SLC11A2: variants seen among roughly 807,000 people sequenced by gnomAD.
The protein encoded by SLC11A2 is solute carrier family 11 member 2, also known as natural resistance-associated macrophage protein 2.
Under a neutral mutation model 68.0 loss-of-function variants are expected in SLC11A2, and 38 were observed. That is an observed-to-expected ratio of 0.56 (90% CI 0.43 to 0.73). The LOEUF is 0.73. SLC11A2 is among the 30% of genes least tolerant of loss of function. SLC11A2 has a pLI of 0.00. For synonymous variants in SLC11A2, 242 were observed against 250.6 expected (o/e 0.97, Z 0.32); for missense variants, 517 against 690.5 (o/e 0.75, Z 2.82).
chr12:50,963,463 C>A, the SLC11A2 span, among the ~76,000 whole-genome samples: 1 of 150,918 alleles, frequency 6.6e-6, no homozygotes, highest in Non-Finnish European at 1.5e-5. Context: ...GAACAATACA[C>A]AGGACAGACT....
chr12:51,012,186 C>G (rs1455110635), intron 1 of SLC11A2, among the ~76,000 whole-genome samples: 1 of 152,142 alleles, frequency 6.6e-6, no homozygotes, highest in Non-Finnish European at 1.5e-5. Flanking sequence ...TCTACAGGTC[C>G]TGTACTAAGC....
At chr12:51,025,206 ACT>A (rs1227991784) in intron 1 of SLC11A2, among the ~76,000 whole-genome samples, 1 of 152,148 alleles carries the variant, frequency 6.6e-6, no homozygotes, top group Non-Finnish European at 1.5e-5. Context: ...AAGTCATGAG[ACT>A]CTGAGCAAAG....
chr12:51,008,268 A>G (rs1486098635), intron 3 of SLC11A2: 7 of 494,174 alleles, frequency 1.4e-5, no homozygotes, highest in African/African-American at 9.9e-5. Context: ...ATAGACGGAC[A>G]GACAGACAGA....
chr12:51,005,749 T>C, intron 3 of SLC11A2: 1 of 1,247,582 alleles, frequency 8.0e-7, no homozygotes, highest in Non-Finnish European at 1.1e-6. Flanking sequence ...GCCACCATTT[T>C]AAAAAGGAAA....
intron 8 of SLC11A2, among the ~76,000 whole-genome samples, chr12:50,997,407 T>C (rs1334891611): frequency 6.6e-6 from 1 of 152,130 alleles, no homozygotes; most frequent in Non-Finnish European, 1.5e-5. Flanking sequence ...ACATAATTAA[T>C]TTCTAAAGAA....
At chr12:50,997,679 C>CAA (rs35477132) in intron 8 of SLC11A2, among the ~76,000 whole-genome samples, 38,631 of 44,968 alleles carry the variant, frequency 0.86, 18,566 homozygotes, top group Middle Eastern at 1. Flanking sequence ...GACTCTGTCT[C>CAA]AAAAAAAAAA....
chr12:51,008,289 T>G, intron 3 of SLC11A2, 187 bp downstream of exon 3: 1 of 547,362 alleles, frequency 1.8e-6, no homozygotes. Flanking sequence ...CAGAGATAGA[T>G]AGATATAGAT....
chr12:50,972,119 C>T, the SLC11A2 span, among the ~76,000 whole-genome samples: 1 of 152,138 alleles, frequency 6.6e-6, no homozygotes, highest in Non-Finnish European at 1.5e-5. Flanking sequence ...AAACTGAGGA[C>T]AGCTGGCATG....
At chr12:51,027,293 C>T (rs1239147834), upstream of SLC11A2, among the ~76,000 whole-genome samples, 2 of 152,018 alleles carry the variant, frequency 1.3e-5, no homozygotes, top group East Asian at 1.9e-4. Context: ...GAGACAAGAT[C>T]GTGCCACTGC....
chr12:50,971,918 T>C, the SLC11A2 span, among the ~76,000 whole-genome samples: 2 of 152,230 alleles, frequency 1.3e-5, no homozygotes, highest in African/African-American at 2.4e-5. Context: ...TTTTTCCCCA[T>C]TGGGACAGAC....
At chr12:50,964,681 T>G in the SLC11A2 span, among the ~76,000 whole-genome samples, 1 of 152,176 alleles carries the variant, frequency 6.6e-6, no homozygotes, top group Non-Finnish European at 1.5e-5. Flanking sequence ...TAGTAAAAGA[T>G]ATACAGAAAA....
chr12:50,992,232 T>C lies in SLC11A2; in HGVS notation c.1305A>G (p.Leu435=), dbSNP rs773625987. 1 of 1,614,088 alleles carries C rather than the reference T, an allele frequency of 6.2e-7. No homozygotes were observed. ...CATTCAGAAAGTCATTCATCCCTGTTAGATGCTCTACATCTTGGAAGACAG... is the reference window on the plus strand; with the variant it reads ...CATTCAGAAAGTCATTCATCCCTGTCAGATGCTCTACATCTTGGAAGACAG... ...LVAVFQDVEH[L]TGMNDFLNVL... The change falls in exon 13 of 16, where the codon CTA becomes CTG. Residue 435 remains leucine, a synonymous_variant. Coordinates refer to ENST00000262052, the MANE Select transcript of SLC11A2 (RefSeq NM_000617.3).
chr12:50,973,799 C>G, the SLC11A2 span, among the ~76,000 whole-genome samples: 1 of 152,148 alleles, frequency 6.6e-6, no homozygotes, highest in Admixed American at 6.5e-5. Context: ...CTTAAAGGAC[C>G]TGATGGAGCT....
chr12:51,017,881 C>T (rs2136382228), intron 1 of SLC11A2, among the ~76,000 whole-genome samples: 1 of 152,298 alleles, frequency 6.6e-6, no homozygotes, highest in African/African-American at 2.4e-5. Context: ...CCTCAAGGCA[C>T]CCACTGCTTA....
intron 7 of SLC11A2, 44 bp from the exon 8 acceptor site, chr12:50,999,285 C>A: frequency 6.2e-7 from 1 of 1,607,178 alleles, no homozygotes; most frequent in Non-Finnish European, 8.5e-7. Flanking sequence ...AGGTAGACTT[C>A]CCCATCTGCC....
chr12:50,956,230 A>G, the SLC11A2 span, among the ~76,000 whole-genome samples: 1 of 152,140 alleles, frequency 6.6e-6, no homozygotes, highest in African/African-American at 2.4e-5. Flanking sequence ...TGTCTCTACT[A>G]AAAATACAAA....
At position 50,992,392 on chromosome 12, in the gene SLC11A2, G is replaced by A; in HGVS notation, c.1198-53C>T. The A allele has an allele frequency of 3.2e-6, 5 of 1,573,114 alleles. No individual in the cohort carries two copies. In the South Asian group the frequency reaches 5.6e-5, roughly 18 times the overall value. On this transcript the variant is annotated intron_variant, in intron 12 of 15. Coordinates refer to ENST00000262052, the MANE Select transcript of SLC11A2 (RefSeq NM_000617.3). ...TGTCTGCAACAGGAAACAAAAAAAA[G>A]TTTTGGGGAGGTTCAGGAGAGACCT... is the stretch of plus-strand genomic sequence containing the variant.
At chr12:50,953,106 A>T in the SLC11A2 span, among the ~76,000 whole-genome samples, 8 of 151,770 alleles carry the variant, frequency 5.3e-5, no homozygotes, top group Non-Finnish European at 1.2e-4. Context: ...CCACTCCCCC[A>T]GTCCCCTGGG....
At chr12:51,013,904 C>T (rs1451853275) in intron 1 of SLC11A2, among the ~76,000 whole-genome samples, 1 of 151,988 alleles carries the variant, frequency 6.6e-6, no homozygotes, top group Non-Finnish European at 1.5e-5. Flanking sequence ...TCACTGCAAC[C>T]TCCGCCTCCC....
Sources: allele counts gnomAD v4.1 joint callset (sites outside exome capture counted in the v4.1 genomes callset), GRCh38; gene constraint gnomAD v4.1.1; transcripts MANE v1.5; gene names NCBI Gene and HGNC (gene_info 2026-07-23, HGNC 2026-07-21).